ATP2C1: variants seen among roughly 807,000 people sequenced by gnomAD.
ATP2C1 encodes calcium-transporting ATPase type 2C member 1.
ATP2C1 carries 31 observed loss-of-function variants against 120.5 expected under a neutral mutation model. The observed-to-expected ratio is 0.26, with a 90% CI of 0.19 to 0.35. The LOEUF (loss-of-function observed/expected upper bound fraction) is 0.35. ATP2C1 is among the 10% of genes least tolerant of loss of function. The pLI, the probability that ATP2C1 is intolerant of heterozygous loss-of-function variation, is 1.00. For synonymous variants in ATP2C1, 351 were observed against 358.7 expected, an observed-to-expected ratio of 0.98 and a Z score of 0.24; for missense variants, 731 against 1,107.5, an observed-to-expected ratio of 0.66 and a Z score of 4.83.
intron 2 of ATP2C1, chr3:130,918,348 T>G: frequency 6.4e-7 from 1 of 1,552,124 alleles, no homozygotes; most frequent in Non-Finnish European, 8.9e-7. Flanking sequence ...TTCAAGACTC[T>G]TCCCACACTT....
rs1484226853 is a variant in ATP2C1 at position 130,864,561 on chromosome 3, G to GC, written c.108+13637dup. On this transcript the variant is annotated intron_variant, in intron 1 of 26. Coordinates refer to the ATP2C1 transcript ENST00000504381. ...GGCCATTTCAGAGACCTTCACAGCA[G>GC]CCCCTCCCATCACAGGCCTGGAGGC... is the stretch of plus-strand genomic sequence containing the variant. Among the ~76,000 whole-genome samples the GC allele has an allele frequency of 3.9e-5, 6 of 152,306 alleles. No individual in the cohort carries two copies. In the East Asian group the frequency reaches 1.2e-3, roughly 29 times the overall value.
At position 130,894,153 on chromosome 3, in the gene ATP2C1, C is replaced by T; in HGVS notation, c.-365C>T. On this transcript the variant is annotated 5_prime_UTR_variant, in exon 1 of 28. Transcript: ENST00000510168. The surrounding 1 kb of genome is among the most constrained non-coding windows in gnomAD (Gnocchi z 4.5). ...GTCCCCTCACCTCCTCTTCTCTCCC[C>T]TCCCCGCCCGCCCTCTCTCCCTCCC... is the stretch of plus-strand genomic sequence containing the variant. 1 of 636,390 alleles carries T rather than the reference C, an allele frequency of 1.6e-6. No homozygotes were observed. Among genetic ancestry groups the T allele is most frequent in the Non-Finnish European group, 2.0e-6 (1 of 510,956 alleles). The allele number at this position is 636,390 out of a possible 1,614,324, so 39.4% of individuals were successfully genotyped here.
intron 25 of ATP2C1, 113 bp from the exon 26 acceptor site, chr3:130,998,181 G>T: frequency 1.3e-6 from 1 of 764,386 alleles, no homozygotes; most frequent in African/African-American, 1.7e-5. Flanking sequence ...TCATGTGTTA[G>T]GCTAAAGTTA....
At chr3:131,016,487 G>A in exon 27 of ATP2C1, 1 of 876,810 alleles carries the variant, frequency 1.1e-6, no homozygotes, top group East Asian at 2.7e-5. Flanking sequence ...TAAATGCCTT[G>A]CTGTATAAAT....
rs2059474788 is a variant in ATP2C1 at position 130,932,094 on chromosome 3, G to A, written c.190G>A (p.Asp64Asn). The A allele has an allele frequency of 1.2e-6, 2 of 1,612,544 alleles. No homozygotes were observed. The highest frequency in any genetic ancestry group is 1.7e-5 in the Admixed American group (1 of 59,992). ...AGCCTTTCATGGCTGGAATGAGTTTGATATTAGTGAAGATGAGCCACTGTG... is the reference window on the plus strand; with the variant it reads ...AGCCTTTCATGGCTGGAATGAGTTTAATATTAGTGAAGATGAGCCACTGTG... ...RRAFHGWNEF[D>N]ISEDEPLWKK... The change falls in exon 4 of 28, where the codon GAT becomes AAT. Residue 64 changes from aspartate (D) to asparagine (N), a missense_variant. Asp to Asn is a conservative substitution (Grantham distance 23). Around this residue, in one of 3 missense-constraint regions of ATP2C1, gnomAD observed 571 missense variants for 845.9 expected, o/e 0.67. Coordinates refer to ENST00000510168, the MANE Select transcript of ATP2C1 (RefSeq NM_001378687.1).
intron 3 of ATP2C1, among the ~76,000 whole-genome samples, chr3:130,930,842 A>C (rs924183824): frequency 6.6e-6 from 1 of 152,164 alleles, no homozygotes; most frequent in Non-Finnish European, 1.5e-5. Flanking sequence ...CTAGAACATA[A>C]TAGCTTTTCT....
chr3:131,014,511 A>G (rs1236871130), intron 26 of ATP2C1: 2 of 911,428 alleles, frequency 2.2e-6, no homozygotes, highest in Non-Finnish European at 3.2e-6. Flanking sequence ...CTATAATATT[A>G]TCGAAATTAC....
intron 20 of ATP2C1, among the ~76,000 whole-genome samples, chr3:130,987,709 C>T (rs2062088442): frequency 1.3e-5 from 2 of 152,204 alleles, no homozygotes; most frequent in African/African-American, 4.8e-5. Context: ...TGTTCTAAAT[C>T]ATTAGCTTGT....
intron 1 of ATP2C1, among the ~76,000 whole-genome samples, chr3:130,852,959 C>G (rs1253092576): frequency 6.7e-6 from 1 of 149,514 alleles, no homozygotes; most frequent in Non-Finnish European, 1.5e-5. Context: ...CTAGTAATAG[C>G]AAAATATCAC....
At chr3:130,975,584 A>C in intron 18 of ATP2C1, 96 bp downstream of exon 18, 1 of 1,382,844 alleles carries the variant, frequency 7.2e-7, no homozygotes, top group Non-Finnish European at 1.0e-6. Flanking sequence ...TGTCCAACTC[A>C]CTTCCAGGAT....
chr3:130,855,585 A>T (rs578055444), intron 1 of ATP2C1, among the ~76,000 whole-genome samples: 24 of 152,314 alleles, frequency 1.6e-4, no homozygotes, highest in African/African-American at 5.1e-4. Flanking sequence ...CGCATGGCTC[A>T]TCTGTGTCAG....
At chr3:130,887,989 G>T (rs960740795) in intron 1 of ATP2C1, among the ~76,000 whole-genome samples, 1 of 152,186 alleles carries the variant, frequency 6.6e-6, no homozygotes, top group Admixed American at 6.5e-5. Context: ...ATGCCATGAT[G>T]CACTACCTGG....
chr3:130,852,485 G>A (rs2067705344), intron 1 of ATP2C1, among the ~76,000 whole-genome samples: 1 of 152,116 alleles, frequency 6.6e-6, no homozygotes, highest in Non-Finnish European at 1.5e-5. Context: ...CTCTGACTTG[G>A]ACAGGGTGGG....
chr3:130,997,289 T>C (rs1010059704), intron 24 of ATP2C1, among the ~76,000 whole-genome samples: 1 of 152,176 alleles, frequency 6.6e-6, no homozygotes, highest in Non-Finnish European at 1.5e-5. Context: ...ATGAAAGATA[T>C]TTCAAAATTC....
At chr3:130,864,313 A>C (rs1053258391) in intron 1 of ATP2C1, among the ~76,000 whole-genome samples, 2 of 152,196 alleles carry the variant, frequency 1.3e-5, no homozygotes, top group African/African-American at 4.8e-5. Context: ...TGACAGAAAA[A>C]ATTTCTAAGC....
intron 1 of ATP2C1, among the ~76,000 whole-genome samples, chr3:130,854,626 G>A (rs1033901997): frequency 2.0e-5 from 3 of 152,156 alleles, no homozygotes; most frequent in Admixed American, 1.3e-4. Flanking sequence ...CTATAGTCTA[G>A]CTTTAGCCTG....
At chr3:131,011,738 G>T (rs982220063) in intron 26 of ATP2C1, among the ~76,000 whole-genome samples, 2 of 152,194 alleles carry the variant, frequency 1.3e-5, no homozygotes, top group African/African-American at 4.8e-5. Flanking sequence ...ACTGCTTTAT[G>T]TAAGGGTAAA....
intron 22 of ATP2C1, among the ~76,000 whole-genome samples, chr3:130,994,309 G>T (rs537302946): frequency 6.6e-6 from 1 of 152,306 alleles, no homozygotes; most frequent in South Asian, 2.1e-4. Context: ...CCTCATTTAA[G>T]AAGTATTTGC....
chr3:130,901,214 G>A (rs2057804576), intron 2 of ATP2C1, among the ~76,000 whole-genome samples: 1 of 151,990 alleles, frequency 6.6e-6, no homozygotes, highest in Admixed American at 6.6e-5. Flanking sequence ...TTAATATTTG[G>A]CTTATGAAAC....
Sources: allele counts gnomAD v4.1 joint callset (sites outside exome capture counted in the v4.1 genomes callset), GRCh38; gene constraint gnomAD v4.1.1; regional missense constraint gnomAD v4.1.1; non-coding constraint Gnocchi (gnomAD v3.1); transcripts MANE v1.5; gene names NCBI Gene and HGNC (gene_info 2026-07-23, HGNC 2026-07-21).